Variants in MND1 observed in about 807,000 individuals in gnomAD.
MND1 encodes meiotic nuclear divisions 1, also known as meiotic nuclear division protein 1 homolog.
A neutral mutation model predicts 35.1 loss-of-function variants in MND1; 28 were observed. The ratio of observed to expected loss-of-function variants is 0.80; its 90% CI spans 0.59 to 1.09. The LOEUF (loss-of-function observed/expected upper bound fraction) is 1.09, where lower values mean the gene tolerates loss of function less well. MND1 is among the 50% of genes least tolerant of loss of function. The pLI is 0.00. For missense variants in MND1, 213 were observed against 239.6 expected (o/e 0.89, Z 0.73); for synonymous variants, 69 against 70.5 (o/e 0.98, Z 0.11).
intron 4 of MND1, among the ~76,000 whole-genome samples, chr4:153,383,872 T>C (rs998775122): frequency 2.0e-5 from 3 of 152,228 alleles, no homozygotes; most frequent in Non-Finnish European, 4.4e-5. Flanking sequence ...GAGGTCCTGT[T>C]ACTAAGAAAG....
At chr4:153,355,802 A>G in intron 3 of MND1, 91 bp downstream of exon 3, 2 of 839,180 alleles carry the variant, frequency 2.4e-6, no homozygotes, top group Non-Finnish European at 2.0e-6. Context: ...TCTTTTCTGC[A>G]ACAGTCTTTC....
chr4:153,361,989 A>G (rs1167442717), intron 4 of MND1, among the ~76,000 whole-genome samples: 4 of 151,626 alleles, frequency 2.6e-5, no homozygotes, highest in African/African-American at 7.3e-5. Context: ...ATGTCTTTCC[A>G]TGTCTGTGAT....
chr4:153,396,124 G>A (rs533184602), intron 5 of MND1, among the ~76,000 whole-genome samples: 6 of 152,150 alleles, frequency 3.9e-5, no homozygotes, highest in Admixed American at 1.3e-4. Context: ...GTGCTAATAC[G>A]ATATACACTA....
chr4:153,386,905 G>A (rs1032703695), intron 4 of MND1, among the ~76,000 whole-genome samples: 14 of 152,014 alleles, frequency 9.2e-5, no homozygotes, highest in Admixed American at 8.5e-4. Flanking sequence ...TGCACACTGG[G>A]CTTTACAGGG....
At chr4:153,413,890 G>A (rs1561084023) in intron 7 of MND1, among the ~76,000 whole-genome samples, 1 of 152,132 alleles carries the variant, frequency 6.6e-6, no homozygotes, top group East Asian at 1.9e-4. Flanking sequence ...ATTTCCTTGG[G>A]ATAAATCCCT....
At chr4:153,392,706 A>C (rs75728983) in intron 4 of MND1, among the ~76,000 whole-genome samples, 8,585 of 152,304 alleles carry the variant, frequency 0.056, 364 homozygotes, top group South Asian at 0.14. Flanking sequence ...AGGCCTACCC[A>C]CATGCCAATC....
chr4:153,409,389 T>TAATAATAATAATAATAATAGC (rs1206399643), intron 7 of MND1, among the ~76,000 whole-genome samples: 2 of 151,498 alleles, frequency 1.3e-5, no homozygotes, highest in Non-Finnish European at 2.9e-5. Flanking sequence ...ATAATAATAA[T>TAATAATAATAATAATAATAGC]AGCTAAGGTT....
chr4:153,351,275 A>G (rs77016022), intron 2 of MND1, among the ~76,000 whole-genome samples: 13,782 of 152,256 alleles, frequency 0.091, 831 homozygotes, highest in South Asian at 0.21. Context: ...TCTAACTGAA[A>G]AATTTTAAAC....
intron 3 of MND1, 48 bp from the exon 4 acceptor site, chr4:153,358,421 AATTTT>A (rs1773398235): frequency 7.0e-7 from 1 of 1,427,684 alleles, no homozygotes; most frequent in Non-Finnish European, 9.3e-7. Context: ...TTTGTCCTTT[AATTTT>A]ATTTATGGTG....
chr4:153,368,847 C>T (rs1214878989), intron 4 of MND1, among the ~76,000 whole-genome samples: 3 of 152,120 alleles, frequency 2.0e-5, no homozygotes, highest in Non-Finnish European at 2.9e-5. Context: ...ATTAGTTATC[C>T]ATTGCTATGT....
At position 153,349,935 on chromosome 4, in the gene MND1, T is replaced by C. The variant is rs190207513; in HGVS notation, c.4-129T>C. 239 of 604,804 alleles carry C rather than the reference T, an allele frequency of 4.0e-4. 1 individual carries two copies. Among genetic ancestry groups the C allele is most frequent in the Non-Finnish European group, 5.7e-4 (194 of 340,570 alleles). The allele number at this position is 604,804 out of a possible 1,614,324, so 37.5% of individuals were successfully genotyped here. A position where few individuals can be genotyped will look rare whatever the true frequency, so the allele number is the denominator to read the frequency against. On this transcript the variant is annotated intron_variant, in intron 1 of 7. Coordinates refer to ENST00000240488, the MANE Select transcript of MND1 (RefSeq NM_032117.4). ...ATAGTAATTAAAATGAGTCTTTAGG[T>C]CTGACTTTGAGAGTATCAAACCTGT...
intron 3 of MND1, among the ~76,000 whole-genome samples, chr4:153,357,323 A>G (rs182483304): frequency 5.4e-4 from 82 of 152,214 alleles, no homozygotes; most frequent in African/African-American, 1.7e-3. Context: ...AAGATATGCA[A>G]ATTTCTTAAG....
chr4:153,371,661 T>C (rs1050926551), intron 4 of MND1, among the ~76,000 whole-genome samples: 3 of 152,102 alleles, frequency 2.0e-5, no homozygotes, highest in African/African-American at 7.2e-5. Context: ...GGGAACGTTG[T>C]GGTTGGCTCG....
At chr4:153,401,741 C>G (rs1729352646) in intron 6 of MND1, among the ~76,000 whole-genome samples, 2 of 152,170 alleles carry the variant, frequency 1.3e-5, no homozygotes, top group African/African-American at 2.4e-5. Context: ...CTAAGTCTGT[C>G]ATGATTTATT....
rs79684512 is a variant in MND1 at position 153,365,040 on chromosome 4, C to T, written c.276+6418C>T. On this transcript the variant is annotated intron_variant, in intron 4 of 7. Coordinates refer to ENST00000240488, the MANE Select transcript of MND1 (RefSeq NM_032117.4). ...TAGAATGAGGCCTGACATTGCTGAC[C>T]TTGGAAGATAGTTCCACTGGCACTC... Among the ~76,000 whole-genome samples, 54 of 151,912 alleles carry T rather than the reference C, an allele frequency of 3.6e-4. No individual in the cohort carries two copies. In the East Asian group the frequency reaches 8.9e-3, roughly 25 times the overall value.
intron 2 of MND1, among the ~76,000 whole-genome samples, chr4:153,352,085 G>A (rs781328753): frequency 6.6e-6 from 1 of 152,178 alleles, no homozygotes; most frequent in Non-Finnish European, 1.5e-5. Context: ...AGAGAGGGTA[G>A]GAACCTTCAG....
intron 2 of MND1, among the ~76,000 whole-genome samples, chr4:153,355,025 A>G (rs367555270): frequency 1.2e-4 from 18 of 152,070 alleles, no homozygotes; most frequent in African/African-American, 4.3e-4. Flanking sequence ...TTAGCCAGGC[A>G]TGGTGGTGCA....
chr4:153,360,711 G>A (rs1205081023), intron 4 of MND1, among the ~76,000 whole-genome samples: 1 of 148,804 alleles, frequency 6.7e-6, no homozygotes, highest in African/African-American at 2.5e-5. Context: ...TTTTGTGTGT[G>A]TGTGAGACAG....
At chr4:153,352,775 G>A (rs1435991008) in intron 2 of MND1, among the ~76,000 whole-genome samples, 2 of 145,246 alleles carry the variant, frequency 1.4e-5, no homozygotes, top group African/African-American at 2.5e-5. Flanking sequence ...AAAACACAAC[G>A]ATATTATCTA....
Sources: gnomAD v4.1 joint callset for allele counts (sites outside exome capture counted in the v4.1 genomes callset) on GRCh38, gnomAD v4.1.1 for gene constraint, MANE v1.5 for transcripts, NCBI Gene and HGNC (gene_info 2026-07-23, HGNC 2026-07-21) for gene names.